EPHA6: variants seen among roughly 807,000 people sequenced by gnomAD.
EPHA6 encodes ephrin type-A receptor 6.
A neutral mutation model predicts 112.0 loss-of-function variants in EPHA6; 50 were observed. That is an observed-to-expected ratio of 0.45 (90% CI 0.36 to 0.56). The LOEUF is 0.56. EPHA6 is among the 20% of genes least tolerant of loss of function. The pLI is 0.00. For missense variants in EPHA6, 1,280 were observed against 1,417.4 expected (o/e 0.90, Z 1.56); for synonymous variants, 529 against 490.7 (o/e 1.08, Z -1.03).
At chr3:96,870,405 A>G (rs923400718) in intron 2 of EPHA6, among the ~76,000 whole-genome samples, 1 of 152,100 alleles carries the variant, frequency 6.6e-6, no homozygotes, top group Non-Finnish European at 1.5e-5. Context: ...TGTCCTTTCT[A>G]CATCTTTCTC....
At chr3:96,854,157 C>T (rs1431228375) in intron 1 of EPHA6, among the ~76,000 whole-genome samples, 12 of 148,926 alleles carry the variant, frequency 8.1e-5, no homozygotes, top group South Asian at 6.4e-4. Flanking sequence ...ATATAGAATA[C>T]TTCAACTCTG....
At chr3:97,168,603 CTCTCTG>C (rs1379339349) in intron 3 of EPHA6, among the ~76,000 whole-genome samples, 1 of 124,578 alleles carries the variant, frequency 8.0e-6, no homozygotes, top group Non-Finnish European at 1.6e-5. Context: ...CTGTGTGTCT[CTCTCTG>C]TCTCTGTCTC....
At chr3:96,914,294 G>A (rs764070402) in intron 2 of EPHA6, among the ~76,000 whole-genome samples, 1 of 151,918 alleles carries the variant, frequency 6.6e-6, no homozygotes, top group Non-Finnish European at 1.5e-5. Flanking sequence ...TAATTGTCTT[G>A]ATTAATGACA....
At chr3:96,991,034 G>T (rs11705739) in intron 3 of EPHA6, among the ~76,000 whole-genome samples, 4 of 151,582 alleles carry the variant, frequency 2.6e-5, no homozygotes, top group African/African-American at 9.7e-5. Context: ...CTGTCACCCA[G>T]GCTGGAGTGC....
At chr3:96,830,346 G>A (rs973524359) in intron 1 of EPHA6, among the ~76,000 whole-genome samples, 14 of 152,018 alleles carry the variant, frequency 9.2e-5, no homozygotes, top group Non-Finnish European at 1.2e-4. Flanking sequence ...CCAGTTGATG[G>A]AGGATTTGAC....
At chr3:97,623,949 G>A (rs2093834015) in intron 13 of EPHA6, among the ~76,000 whole-genome samples, 1 of 151,540 alleles carries the variant, frequency 6.6e-6, no homozygotes, top group Non-Finnish European at 1.5e-5. Flanking sequence ...GAATCCTCCA[G>A]CTTTGCTCTT....
intron 2 of EPHA6, among the ~76,000 whole-genome samples, chr3:96,937,273 T>C (rs2040643700): frequency 6.6e-6 from 1 of 152,178 alleles, no homozygotes; most frequent in African/African-American, 2.4e-5. Flanking sequence ...CACCTGTTGT[T>C]TCCTGACTTT....
intron 3 of EPHA6, among the ~76,000 whole-genome samples, chr3:97,042,449 C>T (rs2045349984): frequency 6.6e-6 from 1 of 152,040 alleles, no homozygotes; most frequent in Non-Finnish European, 1.5e-5. Context: ...TATAAATTAC[C>T]CAGTCTCAGG....
intron 5 of EPHA6, among the ~76,000 whole-genome samples, chr3:97,254,172 A>G (rs1168392574): frequency 2.0e-5 from 3 of 151,858 alleles, no homozygotes; most frequent in African/African-American, 7.3e-5. Context: ...ATATATATAT[A>G]TATGTTTTTC....
chr3:97,273,756 C>T lies in EPHA6; in HGVS notation c.1606+29469C>T, dbSNP rs189701433. On this transcript the variant is annotated intron_variant, in intron 5 of 17. Transcript: ENST00000389672. ...TGACTAATAAAGGCTGGTCTGCTAT[C>T]GGACTGTATAGAGGTGGGAAGGCCA... Among the ~76,000 whole-genome samples, 643 of 152,224 alleles carry T rather than the reference C, an allele frequency of 4.2e-3. 2 individuals are homozygous for T. The highest frequency in any genetic ancestry group is 0.014 in the African/African-American group (600 of 41,528).
chr3:96,974,320 G>A lies in EPHA6; in HGVS notation c.451-13010G>A, dbSNP rs984340512. On this transcript the variant is annotated intron_variant, in intron 2 of 17. Coordinates refer to ENST00000389672, the MANE Select transcript of EPHA6 (RefSeq NM_001080448.3). Reference sequence around the variant, plus strand: ...GGAAATGAAAATTTATATGTTGATGGGGAAGGGTTTTTAGAGAACTCTGAT... The same window carrying A: ...GGAAATGAAAATTTATATGTTGATGAGGAAGGGTTTTTAGAGAACTCTGAT... Among the ~76,000 whole-genome samples, 3 of 149,434 alleles carry A rather than the reference G, an allele frequency of 2.0e-5. No individual in the cohort carries two copies. In the East Asian group the frequency reaches 5.8e-4, roughly 29 times the overall value.
intron 5 of EPHA6, among the ~76,000 whole-genome samples, chr3:97,378,230 GCA>G (rs1435554234): frequency 6.6e-6 from 1 of 152,202 alleles, no homozygotes; most frequent in African/African-American, 2.4e-5. Context: ...TTCAGAGGAT[GCA>G]AGCCCCAAGC....
At chr3:97,547,519 C>T (rs1560124254) in intron 11 of EPHA6, among the ~76,000 whole-genome samples, 1 of 152,166 alleles carries the variant, frequency 6.6e-6, no homozygotes, top group Non-Finnish European at 1.5e-5. Flanking sequence ...GTCAGGGACC[C>T]AGTTGAGGAG....
chr3:97,298,816 A>G (rs1381373989), intron 5 of EPHA6, among the ~76,000 whole-genome samples: 3 of 152,134 alleles, frequency 2.0e-5, no homozygotes, highest in Non-Finnish European at 4.4e-5. Flanking sequence ...AAATCACCAT[A>G]AATAAAAGTG....
chr3:97,432,601 C>G (rs1224115236), intron 6 of EPHA6, among the ~76,000 whole-genome samples: 1 of 152,104 alleles, frequency 6.6e-6, no homozygotes, highest in Admixed American at 6.6e-5. Flanking sequence ...TTAGTCTGTT[C>G]TCATACTGCT....
intron 14 of EPHA6, among the ~76,000 whole-genome samples, chr3:97,707,284 A>C (rs2107753181): frequency 6.6e-6 from 1 of 152,330 alleles, no homozygotes; most frequent in African/African-American, 2.4e-5. Flanking sequence ...AATACTGTGA[A>C]GTAGCATTTA....
At chr3:97,159,789 G>GTAGAACAC (rs1271131661) in intron 3 of EPHA6, among the ~76,000 whole-genome samples, 26 of 152,310 alleles carry the variant, frequency 1.7e-4, no homozygotes, top group African/African-American at 5.5e-4. Context: ...GCAATGCTGT[G>GTAGAACAC]TAGAACACTA....
At chr3:96,992,886 A>C (rs2043268277) in intron 3 of EPHA6, among the ~76,000 whole-genome samples, 1 of 152,138 alleles carries the variant, frequency 6.6e-6, no homozygotes, top group Non-Finnish European at 1.5e-5. Context: ...CTGGGTCTTC[A>C]CAAAGTTATT....
intron 13 of EPHA6, among the ~76,000 whole-genome samples, chr3:97,626,855 A>G (rs1345596287): frequency 6.6e-6 from 1 of 151,970 alleles, no homozygotes; most frequent in East Asian, 1.9e-4. Flanking sequence ...CAGGTTTACC[A>G]CCATAATACT....
Sources: gnomAD v4.1 joint callset for allele counts (sites outside exome capture counted in the v4.1 genomes callset) on GRCh38, gnomAD v4.1.1 for gene constraint, MANE v1.5 for transcripts, NCBI Gene and HGNC (gene_info 2026-07-23, HGNC 2026-07-21) for gene names.